NPSR1: variants seen among roughly 807,000 people sequenced by gnomAD.
NPSR1 encodes neuropeptide S receptor 1, also known as neuropeptide S receptor.
In NPSR1, 48 loss-of-function variants were observed where a neutral mutation model predicts 46.9. That is an observed-to-expected ratio of 1.02 (90% CI 0.81 to 1.30). The LOEUF (loss-of-function observed/expected upper bound fraction) is 1.30, where lower values mean the gene tolerates loss of function less well. Ranked by LOEUF, NPSR1 falls within the 50% of genes most tolerant of loss-of-function variation. The probability of loss-of-function intolerance (pLI) is 0.00; values close to 1 mark genes in which losing one functional copy is unlikely to be tolerated. For synonymous variants in NPSR1, 176 were observed against 168.1 expected (o/e 1.05, Z -0.36); for missense variants, 450 against 449.5 (o/e 1.00, Z -0.01).
chr7:34,755,924 T>G (rs1013057405), intron 2 of NPSR1, among the ~76,000 whole-genome samples: 1 of 152,218 alleles, frequency 6.6e-6, no homozygotes, highest in Non-Finnish European at 1.5e-5. Flanking sequence ...ATTATGCCCA[T>G]GTTAGACCTG....
intron 2 of NPSR1, 50 bp from the exon 3 acceptor site, chr7:34,778,412 A>C (rs1185804384): frequency 1.8e-6 from 2 of 1,118,140 alleles, no homozygotes; most frequent in African/African-American, 1.6e-5. Flanking sequence ...AATTTGAAAA[A>C]TAAAAATAAA....
At position 34,792,710 on chromosome 7, in the gene NPSR1, T is replaced by A. The variant is rs1787977759; in HGVS notation, c.384+14145T>A. On this transcript the variant is annotated intron_variant, in intron 3 of 8. Coordinates refer to ENST00000360581, the MANE Select transcript of NPSR1 (RefSeq NM_207172.2). ...ATATGTATATATATACGTATATATATATATTTATATATATATATATATATT... is the reference window on the plus strand; with the variant it reads ...ATATGTATATATATACGTATATATAAATATTTATATATATATATATATATT... Among the ~76,000 whole-genome samples, 10 of 122,664 alleles carry A rather than the reference T, an allele frequency of 8.2e-5. No homozygotes were observed. The South Asian group carries it at 2.3e-3, about 29-fold the overall frequency. The allele number at this position is 122,664 out of a possible 152,430, so 80.5% of individuals were successfully genotyped here. A position where few individuals can be genotyped will look rare whatever the true frequency, so the allele number is the denominator to read the frequency against.
rs1207476917 is a variant in NPSR1 at position 34,790,968 on chromosome 7, T to TATATC, written c.384+12407_384+12408insCATAT. Among the ~76,000 whole-genome samples the TATATC allele has an allele frequency of 4.3e-4, 37 of 86,008 alleles. 6 individuals are homozygous for TATATC. The highest frequency in any genetic ancestry group is 1.3e-3 in the African/African-American group (35 of 27,048). The allele number at this position is 86,008 out of a possible 152,430, so 56.4% of individuals were successfully genotyped here. ...ATCATATATGTTATATGTTATATTA[T>TATATC]ATATGTTATATGTTATATTATATAT... On this transcript the variant is annotated intron_variant, in intron 3 of 8. Coordinates refer to ENST00000360581, the MANE Select transcript of NPSR1 (RefSeq NM_207172.2).
At chr7:34,762,862 A>G (rs35133123) in intron 2 of NPSR1, among the ~76,000 whole-genome samples, 10,399 of 152,224 alleles carry the variant, frequency 0.068, 1,021 homozygotes, top group African/African-American at 0.22. Context: ...ACAAATGTTC[A>G]TGTACGAGTC....
chr7:34,668,157 A>G (rs1309861966), intron 1 of NPSR1, among the ~76,000 whole-genome samples: 2 of 152,186 alleles, frequency 1.3e-5, no homozygotes, highest in Non-Finnish European at 2.9e-5. Context: ...CACAGCACTC[A>G]GAATTCCATT....
intron 2 of NPSR1, among the ~76,000 whole-genome samples, chr7:34,710,595 T>C (rs1783229961): frequency 6.6e-6 from 1 of 152,110 alleles, no homozygotes; most frequent in South Asian, 2.1e-4. Context: ...TGCCTAGAAG[T>C]ATGCAGTGTT....
At chr7:34,724,578 G>A (rs968161110) in intron 2 of NPSR1, among the ~76,000 whole-genome samples, 1 of 152,170 alleles carries the variant, frequency 6.6e-6, no homozygotes, top group African/African-American at 2.4e-5. Context: ...TCCTCCTCAT[G>A]TGCTTTTGGG....
chr7:34,727,278 A>C (rs1784204635), intron 2 of NPSR1, among the ~76,000 whole-genome samples: 1 of 152,208 alleles, frequency 6.6e-6, no homozygotes, highest in Non-Finnish European at 1.5e-5. Flanking sequence ...ACACATGTGC[A>C]GCCTTTTAAA....
At chr7:34,846,016 G>A (rs1790730593) in intron 7 of NPSR1, among the ~76,000 whole-genome samples, 1 of 152,140 alleles carries the variant, frequency 6.6e-6, no homozygotes, top group African/African-American at 2.4e-5. Flanking sequence ...ATGCCAAACA[G>A]ACCACATGCA....
chr7:34,700,014 A>T (rs1278337601), intron 2 of NPSR1, among the ~76,000 whole-genome samples: 2 of 152,194 alleles, frequency 1.3e-5, no homozygotes, highest in Non-Finnish European at 2.9e-5. Flanking sequence ...CCCAAGGTGT[A>T]TGAAATGAGA....
chr7:34,736,839 G>A (rs1784695805), intron 2 of NPSR1, among the ~76,000 whole-genome samples: 2 of 152,078 alleles, frequency 1.3e-5, no homozygotes, highest in Non-Finnish European at 2.9e-5. Context: ...ACTCAAATAA[G>A]TCACAGATTC....
At position 34,827,633 on chromosome 7, in the gene NPSR1, G is replaced by T. The variant is rs201273769; in HGVS notation, c.680+31G>T. 3.1e-5 allele frequency: 40 copies of T among 1,286,170 alleles called. 1 individual carries two copies. Among genetic ancestry groups the T allele is most frequent in the South Asian group, 1.3e-4 (11 of 83,740 alleles). The allele number at this position is 1,286,170 out of a possible 1,614,324, so 79.7% of individuals were successfully genotyped here. A position where few individuals can be genotyped will look rare whatever the true frequency, so the allele number is the denominator to read the frequency against. Reference sequence around the variant, plus strand: ...AAGCCGTCAGGACAGGACCACACGGGGGGGTGGGGCGGGGGGGGCTTTCCT... The same window carrying T: ...AAGCCGTCAGGACAGGACCACACGGTGGGGTGGGGCGGGGGGGGCTTTCCT... On this transcript the variant is annotated intron_variant, in intron 5 of 8. Transcript: ENST00000360581.
chr7:34,703,659 T>C (rs1364529710), intron 2 of NPSR1, among the ~76,000 whole-genome samples: 1 of 152,186 alleles, frequency 6.6e-6, no homozygotes, highest in Admixed American at 6.5e-5. Flanking sequence ...GAATCTTGGC[T>C]GTAGACTTAA....
intron 3 of NPSR1, among the ~76,000 whole-genome samples, chr7:34,805,035 A>G (rs1452540295): frequency 6.6e-6 from 1 of 152,044 alleles, no homozygotes; most frequent in Non-Finnish European, 1.5e-5. Context: ...AAAAAAGCAA[A>G]TATCTAAATA....
At chr7:34,860,082 T>TC (rs1370550778) in intron 8 of NPSR1, among the ~76,000 whole-genome samples, 1 of 151,556 alleles carries the variant, frequency 6.6e-6, no homozygotes, top group Non-Finnish European at 1.5e-5. Flanking sequence ...TTAAATGCAT[T>TC]TTTTTCACAT....
At chr7:34,688,817 C>A (rs1247650672) in intron 2 of NPSR1, among the ~76,000 whole-genome samples, 1 of 152,200 alleles carries the variant, frequency 6.6e-6, no homozygotes, top group Non-Finnish European at 1.5e-5. Context: ...ATTTGACACA[C>A]CTGATTGTCT....
intron 2 of NPSR1, among the ~76,000 whole-genome samples, chr7:34,733,150 A>C (rs1784505596): frequency 6.6e-6 from 1 of 152,218 alleles, no homozygotes; most frequent in Non-Finnish European, 1.5e-5. Context: ...GGCCAGGTGC[A>C]GTGGCTCATG....
At chr7:34,844,093 C>G (rs1790664751) in intron 6 of NPSR1, among the ~76,000 whole-genome samples, 1 of 152,258 alleles carries the variant, frequency 6.6e-6, no homozygotes, top group African/African-American at 2.4e-5. Flanking sequence ...GAAAGGGACA[C>G]CACATCTGAC....
At chr7:34,740,820 T>C (rs2128718862) in intron 2 of NPSR1, among the ~76,000 whole-genome samples, 1 of 152,318 alleles carries the variant, frequency 6.6e-6, no homozygotes, top group East Asian at 1.9e-4. Context: ...TCGGCTTTCC[T>C]GATTTATTCC....
Sources: gnomAD v4.1 joint callset for allele counts (sites outside exome capture counted in the v4.1 genomes callset) on GRCh38, gnomAD v4.1.1 for gene constraint, MANE v1.5 for transcripts, NCBI Gene and HGNC (gene_info 2026-07-23, HGNC 2026-07-21) for gene names.